The following RANBP17 variants were observed in gnomAD, a reference collection of about 807,000 sequenced individuals.
RANBP17 encodes the protein RAN binding protein 17, also known as ran-binding protein 17.
A neutral mutation model predicts 141.2 loss-of-function variants in RANBP17; 158 were observed. The observed-to-expected ratio is 1.12, with a 90% CI of 0.98 to 1.28. RANBP17 has a LOEUF of 1.28. Among genes scored for constraint, RANBP17 ranks in the 50% most tolerant of loss-of-function variants. The pLI is 0.00. For missense variants in RANBP17, 1,438 were observed against 1,290.7 expected (o/e 1.11, Z -1.75); for synonymous variants, 430 against 450.0 (o/e 0.96, Z 0.56).
intron 14 of RANBP17, among the ~76,000 whole-genome samples, chr5:171,027,019 C>T (rs186892182): frequency 2.0e-5 from 3 of 152,186 alleles, no homozygotes; most frequent in South Asian, 2.1e-4. Context: ...ATCTAGGTTG[C>T]GGACTCCTCA....
At chr5:171,145,756 C>T (rs1049838566) in intron 14 of RANBP17, among the ~76,000 whole-genome samples, 4 of 152,114 alleles carry the variant, frequency 2.6e-5, no homozygotes, top group Non-Finnish European at 5.9e-5. Flanking sequence ...CTGGAAGCCG[C>T]ATAATGGGAT....
chr5:170,902,563 T>C (rs1428290791), intron 5 of RANBP17, among the ~76,000 whole-genome samples: 1 of 152,208 alleles, frequency 6.6e-6, no homozygotes. Flanking sequence ...GTTCCCTTGT[T>C]GGCGAGGAGT....
At chr5:171,183,123 T>G (rs1450404453) in intron 16 of RANBP17, 44 bp from the exon 17 acceptor site, 1 of 1,021,390 alleles carries the variant, frequency 9.8e-7, no homozygotes, top group East Asian at 2.4e-5. Context: ...TATTACATAC[T>G]GATATTACAA....
At chr5:171,291,180 G>T (rs548899194) in intron 25 of RANBP17, among the ~76,000 whole-genome samples, 4 of 152,142 alleles carry the variant, frequency 2.6e-5, no homozygotes, top group Non-Finnish European at 4.4e-5. Context: ...CAGCTGAGGC[G>T]GTGTGGGGCA....
At chr5:171,020,742 T>C (rs1409037228) in intron 14 of RANBP17, among the ~76,000 whole-genome samples, 2 of 152,202 alleles carry the variant, frequency 1.3e-5, no homozygotes, top group Non-Finnish European at 2.9e-5. Context: ...CCGGTCTGTG[T>C]CTTTTAATTG....
chr5:171,213,112 A>G (rs907876568), intron 20 of RANBP17, among the ~76,000 whole-genome samples: 2 of 152,158 alleles, frequency 1.3e-5, no homozygotes, highest in Non-Finnish European at 2.9e-5. Context: ...ATATTTTTTT[A>G]AAAAGAATAA....
chr5:170,963,964 C>T (rs772203164), intron 13 of RANBP17, among the ~76,000 whole-genome samples: 4 of 151,866 alleles, frequency 2.6e-5, no homozygotes, highest in Non-Finnish European at 4.4e-5. Flanking sequence ...TATGAGCAAA[C>T]GGGTCACAGA....
chr5:171,209,247 AGTG>A (rs1762742072), intron 20 of RANBP17, among the ~76,000 whole-genome samples: 1 of 152,170 alleles, frequency 6.6e-6, no homozygotes, highest in Non-Finnish European at 1.5e-5. Flanking sequence ...GGGAGTCAGT[AGTG>A]AAGATGTTTT....
At chr5:171,213,850 G>A (rs1763059209) in intron 21 of RANBP17, 112 bp downstream of exon 21, 1 of 806,238 alleles carries the variant, frequency 1.2e-6, no homozygotes, top group East Asian at 2.5e-5. Context: ...CAAGAGCCCA[G>A]GAACCAAGAC....
intron 19 of RANBP17, among the ~76,000 whole-genome samples, chr5:171,203,663 A>G (rs1397482011): frequency 1.3e-5 from 2 of 152,142 alleles, no homozygotes; most frequent in Admixed American, 1.3e-4. Context: ...TCGTTTAAGG[A>G]ATGAAAAAAT....
chr5:171,069,070 C>A (rs529521056), intron 14 of RANBP17, among the ~76,000 whole-genome samples: 2 of 152,140 alleles, frequency 1.3e-5, no homozygotes, highest in Non-Finnish European at 2.9e-5. Context: ...CAGCAGTTTA[C>A]CTGAATGCCT....
chr5:170,985,501 G>A (rs559687934), intron 14 of RANBP17, among the ~76,000 whole-genome samples: 2 of 152,132 alleles, frequency 1.3e-5, no homozygotes, highest in Non-Finnish European at 1.5e-5. Flanking sequence ...AAATAGACAA[G>A]TTAATCTTCA....
intron 14 of RANBP17, among the ~76,000 whole-genome samples, chr5:171,022,137 A>G (rs932443748): frequency 2.0e-5 from 3 of 152,124 alleles, no homozygotes; most frequent in Non-Finnish European, 2.9e-5. Flanking sequence ...ATGTCACTCA[A>G]CAAGGCTGGA....
intron 14 of RANBP17, among the ~76,000 whole-genome samples, chr5:171,166,228 T>C (rs984550366): frequency 3.3e-5 from 5 of 152,152 alleles, no homozygotes; most frequent in African/African-American, 1.2e-4. Flanking sequence ...AGAATGTGCA[T>C]CTCTGACTAT....
At chr5:171,205,868 T>C (rs777430648) in intron 20 of RANBP17, 17 of 543,950 alleles carry the variant, frequency 3.1e-5, no homozygotes, top group Non-Finnish European at 5.8e-5. Context: ...CCCAAATGAT[T>C]GTTTATGTTG....
chr5:171,270,501 A>G (rs1013130873), intron 25 of RANBP17, among the ~76,000 whole-genome samples: 1 of 152,208 alleles, frequency 6.6e-6, no homozygotes, highest in African/African-American at 2.4e-5. Context: ...ATTACTAATT[A>G]CTACTGATTA....
intron 14 of RANBP17, among the ~76,000 whole-genome samples, chr5:171,020,675 T>A (rs1780788407): frequency 6.6e-6 from 1 of 152,116 alleles, no homozygotes; most frequent in African/African-American, 2.4e-5. Flanking sequence ...TGTCTTTGCA[T>A]GTGAGACGGG....
chr5:170,881,319 G>A lies in RANBP17; in HGVS notation c.166-487G>A, dbSNP rs367794310. ...GGGTGAGCATGCGTTTAGACAGTTT[G>A]AGTATAGTATTAAGATAATTGGGGG... On this transcript the variant is annotated intron_variant, in intron 2 of 27. Coordinates refer to ENST00000523189, the MANE Select transcript of RANBP17 (RefSeq NM_022897.5). Among the ~76,000 whole-genome samples, 61 of 152,230 alleles carry A rather than the reference G, an allele frequency of 4.0e-4. 1 individual carries two copies. The South Asian group carries it at 0.012, about 31-fold the overall frequency.
chr5:171,078,696 G>A (rs1256250931), intron 14 of RANBP17, among the ~76,000 whole-genome samples: 1 of 152,148 alleles, frequency 6.6e-6, no homozygotes, highest in Non-Finnish European at 1.5e-5. Flanking sequence ...TCTAGAAATG[G>A]AACAGCAAAG....
Sources: gnomAD v4.1 joint callset for allele counts (sites outside exome capture counted in the v4.1 genomes callset) on GRCh38, gnomAD v4.1.1 for gene constraint, MANE v1.5 for transcripts, NCBI Gene and HGNC (gene_info 2026-07-23, HGNC 2026-07-21) for gene names.